Variants in IMMP2L observed in about 807,000 individuals in gnomAD.
The protein encoded by IMMP2L is inner mitochondrial membrane peptidase subunit 2.
IMMP2L carries 18 observed loss-of-function variants against 19.3 expected under a neutral mutation model. That is an observed-to-expected ratio of 0.93 (90% CI 0.64 to 1.38). The LOEUF is 1.38. IMMP2L is among the 40% of genes most tolerant of loss of function. The pLI is 0.00. For missense variants in IMMP2L, 233 were observed against 218.2 expected, an observed-to-expected ratio of 1.07 and a Z score of -0.43; for synonymous variants, 76 against 73.0, an observed-to-expected ratio of 1.04 and a Z score of -0.21.
At chr7:111,341,215 C>T (rs941353492) in intron 3 of IMMP2L, among the ~76,000 whole-genome samples, 4 of 152,108 alleles carry the variant, frequency 2.6e-5, no homozygotes, top group African/African-American at 9.6e-5. Context: ...TACAACCTAA[C>T]CTCTCAGTGA....
chr7:111,213,121 G>A lies in IMMP2L; in HGVS notation c.240-249556C>T, dbSNP rs1009693369. On this transcript the variant is annotated intron_variant, in intron 3 of 5. Coordinates refer to ENST00000405709, the MANE Select transcript of IMMP2L (RefSeq NM_032549.4). This position sits in a 1 kb window ranked among gnomAD's most constrained non-coding sequence, Gnocchi z 4.8. ...TCTACACTCTTGGAGGCCAGGAAAG[G>A]CCCCCTGTCTCTGCAGGCTCAGAGG... Among the ~76,000 whole-genome samples, 9 of 152,238 alleles carry A rather than the reference G, an allele frequency of 5.9e-5. No homozygotes were observed. Among genetic ancestry groups the A allele is most frequent in the Non-Finnish European group, 5.9e-5 (4 of 68,044 alleles).
intron 2 of IMMP2L, among the ~76,000 whole-genome samples, chr7:111,494,274 A>T (rs930383480): frequency 1.3e-5 from 2 of 152,264 alleles, no homozygotes; most frequent in Non-Finnish European, 2.9e-5. Flanking sequence ...TCCTGCTAGT[A>T]GTCACAGTGA....
At position 111,561,887 on chromosome 7, in the gene IMMP2L, T is replaced by C. The variant is rs1792112316; in HGVS notation, c.-39A>G. On this transcript the variant is annotated 5_prime_UTR_variant, in exon 1 of 6. Coordinates refer to ENST00000405709, the MANE Select transcript of IMMP2L (RefSeq NM_032549.4). The stretch of plus-strand genomic sequence containing the variant: ...CTCTTCCTCGGTGAGAAGGGGTAAG[T>C]GGTTATTTTGTGCCCTCGCCCAATT... The C allele has an allele frequency of 6.5e-6, 1 of 152,682 alleles. No homozygotes were observed. The highest frequency in any genetic ancestry group is 2.1e-4 in the South Asian group (1 of 4,826). The allele number at this position is 152,682 out of a possible 1,614,324, so 9.5% of individuals were successfully genotyped here.
chr7:110,818,724 C>T (rs1366447182), intron 5 of IMMP2L, among the ~76,000 whole-genome samples: 36 of 151,738 alleles, frequency 2.4e-4, no homozygotes, highest in African/African-American at 5.1e-4. Flanking sequence ...TGTCCAACAA[C>T]GATAGACTGG....
chr7:110,992,910 C>T (rs1048307625), intron 3 of IMMP2L, among the ~76,000 whole-genome samples: 1 of 152,034 alleles, frequency 6.6e-6, no homozygotes, highest in African/African-American at 2.4e-5. Flanking sequence ...ACTCCAAGTA[C>T]AAATCACTTA....
intron 4 of IMMP2L, among the ~76,000 whole-genome samples, chr7:110,931,280 G>A (rs62464016): frequency 6.6e-6 from 1 of 152,180 alleles, no homozygotes; most frequent in African/African-American, 2.4e-5. Flanking sequence ...ACAAATGGAT[G>A]TCATTAAACC....
chr7:111,224,782 C>T (rs1024918542), intron 3 of IMMP2L, among the ~76,000 whole-genome samples: 2 of 152,084 alleles, frequency 1.3e-5, no homozygotes, highest in Non-Finnish European at 2.9e-5. Flanking sequence ...GGGAGAACTG[C>T]TAGCAGCTTA....
At chr7:111,251,489 CATGGCATCAGCCCAA>C (rs1197288340) in intron 3 of IMMP2L, among the ~76,000 whole-genome samples, 1 of 152,140 alleles carries the variant, frequency 6.6e-6, no homozygotes, top group African/African-American at 2.4e-5. Flanking sequence ...ACAGCAAAAA[CATGGCATCAGCCCAA>C]ATGCCCATCA....
chr7:111,111,520 G>T (rs1251609298), intron 3 of IMMP2L, among the ~76,000 whole-genome samples: 1 of 151,550 alleles, frequency 6.6e-6, no homozygotes, highest in African/African-American at 2.4e-5. Flanking sequence ...CTCTTTTGGG[G>T]GATCTCATAT....
intron 4 of IMMP2L, among the ~76,000 whole-genome samples, chr7:110,920,041 T>C (rs1814089092): frequency 6.6e-6 from 1 of 152,210 alleles, no homozygotes; most frequent in Non-Finnish European, 1.5e-5. Flanking sequence ...TCTTGGACTC[T>C]TGGACTTACA....
At chr7:111,060,512 C>A (rs372192238) in intron 3 of IMMP2L, among the ~76,000 whole-genome samples, 1 of 152,116 alleles carries the variant, frequency 6.6e-6, no homozygotes, top group East Asian at 1.9e-4. Flanking sequence ...AGCACCATAG[C>A]GGGGCTCAGA....
chr7:111,473,032 G>A (rs374504465), intron 3 of IMMP2L, among the ~76,000 whole-genome samples: 20 of 152,102 alleles, frequency 1.3e-4, no homozygotes, highest in South Asian at 1.2e-3. Context: ...AATTTTGTAC[G>A]TATACCCTAT....
At chr7:111,065,466 G>T (rs1362764931) in intron 3 of IMMP2L, among the ~76,000 whole-genome samples, 1 of 152,162 alleles carries the variant, frequency 6.6e-6, no homozygotes, top group Non-Finnish European at 1.5e-5. Flanking sequence ...CAACTTGATT[G>T]GATTGAAGGA....
At chr7:110,945,538 C>T (rs1377227930) in intron 4 of IMMP2L, among the ~76,000 whole-genome samples, 1 of 151,890 alleles carries the variant, frequency 6.6e-6, no homozygotes, top group East Asian at 1.9e-4. Context: ...TGGGATCCAC[C>T]CCTGTACCCC....
chr7:110,712,124 T>C (rs1794914237), intron 5 of IMMP2L, among the ~76,000 whole-genome samples: 1 of 107,182 alleles, frequency 9.3e-6, no homozygotes, highest in African/African-American at 2.8e-5. Context: ...TTCCGTTTTT[T>C]CCCCATCTTT....
chr7:111,068,267 A>G (rs2129575093), intron 3 of IMMP2L, among the ~76,000 whole-genome samples: 1 of 152,234 alleles, frequency 6.6e-6, no homozygotes. Context: ...ATTTTGCAAA[A>G]ATATTTGTGA....
At chr7:110,721,835 T>C (rs1262430430) in intron 5 of IMMP2L, among the ~76,000 whole-genome samples, 1 of 152,126 alleles carries the variant, frequency 6.6e-6, no homozygotes, top group East Asian at 1.9e-4. Context: ...AGTAAGAAAG[T>C]GTTTCAAATA....
chr7:111,381,425 G>A (rs559522441), intron 3 of IMMP2L, among the ~76,000 whole-genome samples: 3 of 151,994 alleles, frequency 2.0e-5, no homozygotes, highest in Admixed American at 6.6e-5. Flanking sequence ...AGAATATTCT[G>A]GATAAACTAG....
intron 3 of IMMP2L, among the ~76,000 whole-genome samples, chr7:111,189,838 G>A (rs1808680116): frequency 6.6e-6 from 1 of 152,128 alleles, no homozygotes; most frequent in Admixed American, 6.6e-5. Context: ...ATATCTTTAA[G>A]AGGAAAGATT....
Sources: allele counts gnomAD v4.1 joint callset (sites outside exome capture counted in the v4.1 genomes callset), GRCh38; gene constraint gnomAD v4.1.1; non-coding constraint Gnocchi (gnomAD v3.1); transcripts MANE v1.5; gene names NCBI Gene and HGNC (gene_info 2026-07-23, HGNC 2026-07-21).